WWOX: variants seen among roughly 807,000 people sequenced by gnomAD.
WWOX encodes WW domain containing oxidoreductase.
In WWOX, 69 loss-of-function variants were observed where a neutral mutation model predicts 46.2. That is an observed-to-expected ratio of 1.49 (90% CI 1.23 to 1.82). The LOEUF is 1.82. Among genes scored for constraint, WWOX ranks in the 40% most tolerant of loss-of-function variants. The pLI, the probability that WWOX is intolerant of heterozygous loss-of-function variation, is 0.00. For synonymous variants in WWOX, 359 were observed against 202.6 expected, an observed-to-expected ratio of 1.77 and a Z score of -6.56; for missense variants, 919 against 542.6, an observed-to-expected ratio of 1.69 and a Z score of -6.89.
At chr16:78,807,133 A>G (rs1489754987) in intron 8 of WWOX, among the ~76,000 whole-genome samples, 1 of 152,206 alleles carries the variant, frequency 6.6e-6, no homozygotes, top group Non-Finnish European at 1.5e-5. Flanking sequence ...CATGTATTGA[A>G]TTGGAATCTG....
At chr16:78,633,080 T>A (rs774548844) in intron 8 of WWOX, among the ~76,000 whole-genome samples, 1 of 151,982 alleles carries the variant, frequency 6.6e-6, no homozygotes, top group Non-Finnish European at 1.5e-5. Flanking sequence ...CTGGCCAACA[T>A]GGTGAAACCC....
chr16:78,159,304 T>G (rs542912620), intron 4 of WWOX, among the ~76,000 whole-genome samples: 1 of 152,308 alleles, frequency 6.6e-6, no homozygotes, highest in African/African-American at 2.4e-5. Context: ...TGATTTGAGT[T>G]CCTTTGGATA....
intron 8 of WWOX, among the ~76,000 whole-genome samples, chr16:78,731,862 T>TTTTTTTTTTTTTG (rs34201735): frequency 6.5e-5 from 9 of 137,796 alleles, no homozygotes; most frequent in African/African-American, 1.2e-4. Flanking sequence ...TTTTTTTTTT[T>TTTTTTTTTTTTTG]TGAGAGACAG....
chr16:78,972,605 C>G (rs1182074242), intron 8 of WWOX, among the ~76,000 whole-genome samples: 1 of 152,084 alleles, frequency 6.6e-6, no homozygotes, highest in East Asian at 1.9e-4. Flanking sequence ...TTGAATGGCA[C>G]ATGTCATAAA....
At chr16:78,388,184 C>T (rs1390929222) in intron 6 of WWOX, among the ~76,000 whole-genome samples, 1 of 152,162 alleles carries the variant, frequency 6.6e-6, no homozygotes, top group East Asian at 1.9e-4. Flanking sequence ...ATGCCTGCCA[C>T]CATGGCCTGC....
chr16:78,487,149 A>G lies in WWOX; in HGVS notation c.1056+54397A>G, dbSNP rs73576874. On this transcript the variant is annotated intron_variant, in intron 8 of 8. Transcript: ENST00000566780. Reference sequence around the variant, plus strand: ...AACAACAGCATGGTGACATCAGACTATGTTTTGCAATTTTCTTTAATATTT... The same window carrying G: ...AACAACAGCATGGTGACATCAGACTGTGTTTTGCAATTTTCTTTAATATTT... Among the ~76,000 whole-genome samples the G allele has an allele frequency of 3.2e-3, 481 of 152,282 alleles. 3 individuals are homozygous for G. The highest frequency in any genetic ancestry group is 0.011 in the African/African-American group (451 of 41,562).
At chr16:79,179,563 A>G (rs1475346613) in intron 8 of WWOX, among the ~76,000 whole-genome samples, 4 of 152,212 alleles carry the variant, frequency 2.6e-5, no homozygotes, top group African/African-American at 9.6e-5. Flanking sequence ...ATTCAGAATG[A>G]TGTTAGAATC....
chr16:78,884,488 C>T (rs933881079), intron 8 of WWOX, among the ~76,000 whole-genome samples: 1 of 152,008 alleles, frequency 6.6e-6, no homozygotes, highest in Non-Finnish European at 1.5e-5. Flanking sequence ...AATAAATCCA[C>T]ACAAGAGGAG....
chr16:78,319,763 C>T (rs1035855689), intron 5 of WWOX, among the ~76,000 whole-genome samples: 47 of 152,278 alleles, frequency 3.1e-4, no homozygotes, highest in Non-Finnish European at 3.5e-4. Context: ...GCACCGAGGT[C>T]TCTCTGTGCT....
At chr16:78,966,127 C>G (rs1218202626) in intron 8 of WWOX, among the ~76,000 whole-genome samples, 1 of 152,176 alleles carries the variant, frequency 6.6e-6, no homozygotes, top group Non-Finnish European at 1.5e-5. Flanking sequence ...AAGAACCTAG[C>G]TTTACTTATC....
intron 5 of WWOX, among the ~76,000 whole-genome samples, chr16:78,294,615 G>A (rs1447435091): frequency 6.8e-6 from 1 of 147,812 alleles, no homozygotes; most frequent in Non-Finnish European, 1.5e-5. Context: ...ACTAGGCTGT[G>A]AGGTCTGTAA....
At chr16:78,100,271 C>A (rs949799365) in intron 1 of WWOX, 8 of 1,095,296 alleles carry the variant, frequency 7.3e-6, no homozygotes, top group Non-Finnish European at 9.0e-6. Flanking sequence ...TTTGTTTTGT[C>A]CAGACCGGTA....
At chr16:78,310,463 G>A (rs1333061526) in intron 5 of WWOX, among the ~76,000 whole-genome samples, 1 of 152,198 alleles carries the variant, frequency 6.6e-6, no homozygotes, top group Admixed American at 6.5e-5. Flanking sequence ...CTGAGAGCAA[G>A]GCCAAATCAC....
At chr16:79,039,381 C>G (rs544822191) in intron 8 of WWOX, among the ~76,000 whole-genome samples, 1 of 152,052 alleles carries the variant, frequency 6.6e-6, no homozygotes, top group Admixed American at 6.5e-5. Flanking sequence ...AGGCCGAAAA[C>G]GACCCCCTTC....
At chr16:78,207,463 C>T (rs1302250889) in intron 5 of WWOX, among the ~76,000 whole-genome samples, 3 of 151,542 alleles carry the variant, frequency 2.0e-5, no homozygotes, top group Non-Finnish European at 4.4e-5. Flanking sequence ...TGTCTTTTTA[C>T]ATCTTTGTCA....
intron 8 of WWOX, among the ~76,000 whole-genome samples, chr16:78,827,572 C>T (rs2051692817): frequency 6.6e-6 from 1 of 152,040 alleles, no homozygotes; most frequent in South Asian, 2.1e-4. Context: ...GTAGCTCATG[C>T]CTGTAATCCC....
chr16:78,921,357 C>T (rs1276938533), intron 8 of WWOX, among the ~76,000 whole-genome samples: 1 of 152,102 alleles, frequency 6.6e-6, no homozygotes, highest in African/African-American at 2.4e-5. Context: ...AATTTCAGCA[C>T]CTGCTGATGG....
chr16:78,132,470 C>T (rs564038852), intron 4 of WWOX, among the ~76,000 whole-genome samples: 129 of 152,306 alleles, frequency 8.5e-4, no homozygotes, highest in African/African-American at 3.0e-3. Context: ...TTAATTGCTT[C>T]TTCTGTAATT....
intron 8 of WWOX, among the ~76,000 whole-genome samples, chr16:78,811,814 G>A (rs983625975): frequency 1.3e-5 from 2 of 152,104 alleles, no homozygotes; most frequent in African/African-American, 4.8e-5. Flanking sequence ...ATGAATGAGG[G>A]GTAGAGGGAC....
Sources: allele counts gnomAD v4.1 joint callset (sites outside exome capture counted in the v4.1 genomes callset), GRCh38; gene constraint gnomAD v4.1.1; transcripts MANE v1.5; gene names NCBI Gene and HGNC (gene_info 2026-07-23, HGNC 2026-07-21).